The following MYO1E variants were observed in gnomAD, a reference collection of about 807,000 sequenced individuals.
MYO1E encodes unconventional myosin-Ie.
A neutral mutation model predicts 151.1 loss-of-function variants in MYO1E; 68 were observed. The ratio of observed to expected loss-of-function variants is 0.45; its 90% confidence interval spans 0.37 to 0.55. The LOEUF (loss-of-function observed/expected upper bound fraction) is 0.55. MYO1E is among the 20% of genes least tolerant of loss of function. MYO1E has a pLI of 0.00. For synonymous variants in MYO1E, 601 were observed against 501.7 expected (o/e 1.20, Z -2.64); for missense variants, 1,363 against 1,389.3 (o/e 0.98, Z 0.30).
chr15:59,156,795 G>A (rs776367516), intron 25 of MYO1E, among the ~76,000 whole-genome samples: 12 of 152,188 alleles, frequency 7.9e-5, no homozygotes, highest in Non-Finnish European at 1.6e-4. Context: ...ACTGAATTTT[G>A]TGAGTGATGG....
chr15:59,174,637 C>G (rs564227041), intron 19 of MYO1E, among the ~76,000 whole-genome samples: 1 of 152,172 alleles, frequency 6.6e-6, no homozygotes, highest in South Asian at 2.1e-4. Context: ...TTGTTTGGCG[C>G]GGCACTTCTG....
In MYO1E at chr15:59,371,641, C is replaced by A. The variant is rs535175276; in HGVS notation, c.3+857G>T. Among the ~76,000 whole-genome samples, 3 of 152,242 alleles carry A rather than the reference C, an allele frequency of 2.0e-5. No individual in the cohort carries two copies. In the East Asian group the frequency reaches 5.8e-4, roughly 29 times the overall value. ...GCCCCTTCCACACATTCCCAAAGTG[C>A]CAAAGGGAAAACAGCAACAAACTCG... On this transcript the variant is annotated intron_variant, in intron 1 of 27. Coordinates refer to ENST00000288235, the MANE Select transcript of MYO1E (RefSeq NM_004998.4).
At chr15:59,364,053 C>T (rs1403486464) in intron 1 of MYO1E, among the ~76,000 whole-genome samples, 12 of 152,186 alleles carry the variant, frequency 7.9e-5, no homozygotes, top group Non-Finnish European at 1.6e-4. Context: ...GCTGGGATAA[C>T]AGGCCTGAGC....
chr15:59,265,389 C>T (rs1435270117), intron 2 of MYO1E, among the ~76,000 whole-genome samples: 3 of 152,082 alleles, frequency 2.0e-5, no homozygotes, highest in African/African-American at 7.2e-5. Context: ...AAGTGACCAA[C>T]ATTTTAAAAA....
intron 17 of MYO1E, among the ~76,000 whole-genome samples, chr15:59,194,952 C>T (rs1338576511): frequency 3.3e-5 from 5 of 151,440 alleles, no homozygotes; most frequent in Admixed American, 2.6e-4. Flanking sequence ...AGTCGTTCTT[C>T]TCATCAATAC....
At chr15:59,178,360 G>C (rs770466971) in intron 19 of MYO1E, 33 bp downstream of exon 19, 2 of 1,613,010 alleles carry the variant, frequency 1.2e-6, no homozygotes, top group Non-Finnish European at 1.7e-6. Flanking sequence ...CCCCGCGGGA[G>C]GGAAGAGAGT....
rs919736379 is a variant in MYO1E, at chr15:59,305,639, T to C, written c.4-33190A>G. On this transcript the variant is annotated intron_variant, in intron 1 of 27. Coordinates refer to ENST00000288235, the MANE Select transcript of MYO1E (RefSeq NM_004998.4). ...TGACTTGTCTCTTCCTCTATTCAGATTTCCTCCCATCTGAACAACTGGCTC... is the reference window on the plus strand; with the variant it reads ...TGACTTGTCTCTTCCTCTATTCAGACTTCCTCCCATCTGAACAACTGGCTC... Among the ~76,000 whole-genome samples the C allele has an allele frequency of 7.2e-5, 11 of 152,300 alleles. No homozygotes were observed. In the East Asian group the frequency reaches 2.1e-3, roughly 29 times the overall value.
intron 1 of MYO1E, among the ~76,000 whole-genome samples, chr15:59,324,996 A>C: frequency 6.7e-6 from 1 of 148,280 alleles, no homozygotes; most frequent in African/African-American, 2.5e-5. Flanking sequence ...TCTTCCCTTC[A>C]GTAGGGTTTA....
intron 26 of MYO1E, among the ~76,000 whole-genome samples, chr15:59,147,953 T>A (rs1277285867): frequency 2.0e-5 from 3 of 152,140 alleles, no homozygotes; most frequent in African/African-American, 7.2e-5. Flanking sequence ...TTCTTGAGAA[T>A]AAAGCCACTG....
chr15:59,229,667 G>A lies in MYO1E; in HGVS notation c.510+2035C>T, dbSNP rs1257208667. ...TTTTAAATCGTGTTTGAAGTATTTC[G>A]TAATACATTCTTTAACTTGAAAAGA... On this transcript the variant is annotated intron_variant, in intron 6 of 27. Coordinates refer to ENST00000288235, the MANE Select transcript of MYO1E (RefSeq NM_004998.4). Among the ~76,000 whole-genome samples, 9 of 150,662 alleles carry A rather than the reference G, an allele frequency of 6.0e-5. No homozygotes were observed. The South Asian group carries it at 6.3e-4, about 11-fold the overall frequency.
At chr15:59,217,810 G>A (rs188896100) in intron 10 of MYO1E, 81 bp downstream of exon 10, 57 of 1,506,274 alleles carry the variant, frequency 3.8e-5, no homozygotes, top group East Asian at 1.8e-4. Flanking sequence ...TTACAGGTGT[G>A]AGCCACCGCA....
chr15:59,151,053 G>GCA (rs1566964882), intron 26 of MYO1E, among the ~76,000 whole-genome samples: 24 of 139,104 alleles, frequency 1.7e-4, no homozygotes, highest in Non-Finnish European at 2.7e-4. Flanking sequence ...ACACACACGC[G>GCA]CGCGCGCGCA....
intron 9 of MYO1E, among the ~76,000 whole-genome samples, chr15:59,220,234 A>G: frequency 6.6e-6 from 1 of 152,198 alleles, no homozygotes; most frequent in East Asian, 1.9e-4. Context: ...ATATCATCTG[A>G]GGTCAGGAGT....
intron 12 of MYO1E, among the ~76,000 whole-genome samples, chr15:59,212,950 A>G (rs868730658): frequency 2.8e-5 from 4 of 144,778 alleles, no homozygotes; most frequent in Middle Eastern, 3.5e-3. Flanking sequence ...TCTCCCCTCT[A>G]TCCTGAGGAG....
intron 4 of MYO1E, among the ~76,000 whole-genome samples, chr15:59,240,121 G>C (rs1217251827): frequency 1.3e-5 from 2 of 152,210 alleles, no homozygotes; most frequent in Admixed American, 1.3e-4. Flanking sequence ...CTAGAAATTA[G>C]GAAAATATCC....
intron 26 of MYO1E, among the ~76,000 whole-genome samples, chr15:59,142,589 C>T (rs772470153): frequency 2.3e-4 from 35 of 152,150 alleles, no homozygotes; most frequent in Non-Finnish European, 4.0e-4. Context: ...TAGTTCGCCC[C>T]ATCCTCAACC....
intron 1 of MYO1E, among the ~76,000 whole-genome samples, chr15:59,275,853 A>C (rs2080315479): frequency 1.3e-5 from 2 of 152,368 alleles, no homozygotes; most frequent in East Asian, 3.9e-4. Context: ...AAAGTTCCCC[A>C]CAGTGAAACA....
At chr15:59,331,935 G>A (rs1331686767) in intron 1 of MYO1E, among the ~76,000 whole-genome samples, 1 of 152,164 alleles carries the variant, frequency 6.6e-6, no homozygotes, top group East Asian at 1.9e-4. Context: ...GAGATGAAAG[G>A]AAACAAAGAC....
At chr15:59,344,203 T>C (rs761322893) in intron 1 of MYO1E, among the ~76,000 whole-genome samples, 9 of 152,258 alleles carry the variant, frequency 5.9e-5, no homozygotes, top group Non-Finnish European at 1.2e-4. Flanking sequence ...TCTAAGTTTG[T>C]GGACACCACA....
Sources: gnomAD v4.1 joint callset for allele counts (sites outside exome capture counted in the v4.1 genomes callset) on GRCh38, gnomAD v4.1.1 for gene constraint, MANE v1.5 for transcripts, NCBI Gene and HGNC (gene_info 2026-07-23, HGNC 2026-07-21) for gene names.